GLRA3: variants seen among roughly 807,000 people sequenced by gnomAD.
The protein encoded by GLRA3 is glycine receptor subunit alpha-3.
A neutral mutation model predicts 60.4 loss-of-function variants in GLRA3; 44 were observed. The ratio of observed to expected loss-of-function variants is 0.73; its 90% CI spans 0.57 to 0.94. The LOEUF is 0.94. Among genes scored for constraint, GLRA3 ranks in the 40% least tolerant of loss-of-function variants. The pLI, the probability that GLRA3 is intolerant of heterozygous loss-of-function variation, is 0.00. For synonymous variants in GLRA3, 223 were observed against 192.9 expected, an observed-to-expected ratio of 1.16 and a Z score of -1.29; for missense variants, 508 against 564.6, an observed-to-expected ratio of 0.90 and a Z score of 1.02.
intron 3 of GLRA3, among the ~76,000 whole-genome samples, chr4:174,753,140 T>C (rs1399135812): frequency 1.3e-5 from 2 of 152,204 alleles, no homozygotes. Flanking sequence ...CAAGGAAGGC[T>C]TAACTCTTGC....
At chr4:174,725,119 C>G (rs1214312476) in intron 4 of GLRA3, among the ~76,000 whole-genome samples, 1 of 152,218 alleles carries the variant, frequency 6.6e-6, no homozygotes, top group Non-Finnish European at 1.5e-5. Context: ...CCCCCTCTAT[C>G]TGACACTCTG....
In GLRA3 at chr4:174,715,493, TC is replaced by T; in HGVS notation, c.568del (p.Glu190LysfsTer7). Reference protein sequence around the residue: ...MDVQTCIMQLESFGYTMNDLI... With the variant: ...MDVQTCIMQLXSFGYTMNDLI... Reference sequence around the variant, plus strand: ...AGTAAGTGGTTCATACTTACAGCTTTCCAGTTGCATTATACATGTTTGTACA... The same window carrying T: ...AGTAAGTGGTTCATACTTACAGCTTTCAGTTGCATTATACATGTTTGTACA... On this transcript the variant is annotated frameshift_variant, in exon 5 of 10. Coordinates refer to ENST00000274093, the MANE Select transcript of GLRA3 (RefSeq NM_006529.4). LOFTEE classifies it high-confidence loss of function. The T allele has an allele frequency of 6.7e-7, 1 of 1,485,820 alleles. No homozygotes were observed. Among genetic ancestry groups the T allele is most frequent in the Non-Finnish European group, 9.4e-7 (1 of 1,067,240 alleles). 92.0% of individuals were successfully genotyped at this position (1,485,820 alleles called of 1,614,324 possible).
At position 174,767,123 on chromosome 4, in the gene GLRA3, T is replaced by TACAC. The variant is rs10551381; in HGVS notation, c.200-97_200-94dup. ...GCATTCCATTATTATTATTCCATTTTACACACACACACACACACACACACA... is the reference window on the plus strand; with the variant it reads ...GCATTCCATTATTATTATTCCATTTTACACACACACACACACACACACACACACA... On this transcript the variant is annotated intron_variant, in intron 2 of 9. Coordinates refer to ENST00000274093, the MANE Select transcript of GLRA3 (RefSeq NM_006529.4). 1.4e-3 allele frequency: 660 copies of TACAC among 471,834 alleles called. 2 individuals are homozygous for TACAC. The highest frequency in any genetic ancestry group is 6.9e-3 in the African/African-American group (348 of 50,708). 29.2% of individuals were successfully genotyped at this position (471,834 alleles called of 1,614,324 possible).
chr4:174,750,403 T>C (rs2111193686), intron 3 of GLRA3, among the ~76,000 whole-genome samples: 1 of 152,254 alleles, frequency 6.6e-6, no homozygotes, highest in African/African-American at 2.4e-5. Context: ...GTCTGTCATA[T>C]ATGAGACATC....
Position 174,799,189 on chromosome 4 carries a change from T to C in GLRA3, c.72-10246A>G, listed in dbSNP as rs191711288. Among the ~76,000 whole-genome samples, 238 of 152,328 alleles carry C rather than the reference T, an allele frequency of 1.6e-3. 3 individuals carry two copies. The highest frequency in any genetic ancestry group is 5.5e-3 in the African/African-American group (230 of 41,576). ...CATTTAATTACCATAATAATGTTATTAGTCATAATTACCTATGGATTACAG... is the reference window on the plus strand; with the variant it reads ...CATTTAATTACCATAATAATGTTATCAGTCATAATTACCTATGGATTACAG... On this transcript the variant is annotated intron_variant, in intron 1 of 9. Transcript: ENST00000274093.
chr4:174,741,828 C>T (rs951575315), intron 3 of GLRA3, among the ~76,000 whole-genome samples: 1 of 152,118 alleles, frequency 6.6e-6, no homozygotes. Context: ...ATTATTCCAA[C>T]ACTATTTGTT....
At chr4:174,764,160 G>GAA (rs1738047509) in intron 3 of GLRA3, among the ~76,000 whole-genome samples, 1 of 151,990 alleles carries the variant, frequency 6.6e-6, no homozygotes, top group African/African-American at 2.4e-5. Flanking sequence ...AGAAAAATAT[G>GAA]AAAAATACAT....
At chr4:174,797,749 T>C (rs557348485) in intron 1 of GLRA3, among the ~76,000 whole-genome samples, 11 of 152,060 alleles carry the variant, frequency 7.2e-5, no homozygotes, top group African/African-American at 2.2e-4. Context: ...CTGAGCAACA[T>C]AGCAAGACCT....
chr4:174,775,551 A>G (rs897784034), intron 2 of GLRA3, among the ~76,000 whole-genome samples: 4 of 152,210 alleles, frequency 2.6e-5, no homozygotes, highest in Non-Finnish European at 4.4e-5. Context: ...AATACTTGGG[A>G]GGAAGACAGA....
chr4:174,724,243 G>C (rs1364523756), intron 4 of GLRA3, among the ~76,000 whole-genome samples: 7 of 151,570 alleles, frequency 4.6e-5, no homozygotes, highest in African/African-American at 9.7e-5. Context: ...CTTTTTTGTT[G>C]CTATTTCAGT....
intron 9 of GLRA3, 110 bp downstream of exon 9, chr4:174,656,633 A>G (rs1733217914): frequency 1.7e-6 from 1 of 603,270 alleles, no homozygotes; most frequent in Admixed American, 2.4e-5. Flanking sequence ...CTTTCAATAC[A>G]AAAGGGGCTG....
intron 1 of GLRA3, among the ~76,000 whole-genome samples, chr4:174,820,870 T>G (rs1020679692): frequency 6.6e-6 from 1 of 152,056 alleles, no homozygotes; most frequent in Non-Finnish European, 1.5e-5. Flanking sequence ...ATTAGTAGTA[T>G]TTTACTTGTT....
At chr4:174,792,619 G>A (rs905723438) in intron 1 of GLRA3, among the ~76,000 whole-genome samples, 3 of 152,192 alleles carry the variant, frequency 2.0e-5, no homozygotes, top group Admixed American at 6.5e-5. Context: ...AATGCTTTCC[G>A]TTTAACATTT....
intron 9 of GLRA3, among the ~76,000 whole-genome samples, chr4:174,644,712 T>C (rs938355632): frequency 1.3e-5 from 2 of 152,178 alleles, no homozygotes; most frequent in African/African-American, 2.4e-5. Context: ...TTGTGAATTA[T>C]ATCTGGCAGA....
chr4:174,648,632 A>G (rs4695943), intron 9 of GLRA3, among the ~76,000 whole-genome samples: 81,331 of 151,932 alleles, frequency 0.54, 23,185 homozygotes, highest in African/African-American at 0.74. Flanking sequence ...CATATCCCCC[A>G]ACCAAAACTT....
intron 4 of GLRA3, among the ~76,000 whole-genome samples, chr4:174,719,917 CT>C (rs1736071839): frequency 6.6e-6 from 1 of 152,102 alleles, no homozygotes; most frequent in Non-Finnish European, 1.5e-5. Context: ...AGTTTGCTTT[CT>C]TATTTAAAAA....
intron 7 of GLRA3, among the ~76,000 whole-genome samples, chr4:174,674,807 G>C (rs967821884): frequency 2.0e-5 from 3 of 152,148 alleles, no homozygotes; most frequent in Admixed American, 1.3e-4. Flanking sequence ...TCTTTTGTGA[G>C]ATTGAGAACA....
At chr4:174,681,228 C>T (rs938268741) in intron 6 of GLRA3, among the ~76,000 whole-genome samples, 1 of 152,096 alleles carries the variant, frequency 6.6e-6, no homozygotes, top group African/African-American at 2.4e-5. Context: ...AGGAAGTATG[C>T]AAACTTACTT....
In GLRA3 at chr4:174,710,852, G is replaced by C. The variant is rs562876583; in HGVS notation, c.574+4636C>G. Among the ~76,000 whole-genome samples, 98 of 151,880 alleles carry C rather than the reference G, an allele frequency of 6.5e-4. 2 individuals carry two copies. In the South Asian group the frequency reaches 0.019, roughly 30 times the overall value. The stretch of plus-strand genomic sequence containing the variant: ...GTTCTGAGATTTTTCAAAGCACCAG[G>C]TTTAGGGGTTTTTGTGATTCTTTGG... On this transcript the variant is annotated intron_variant, in intron 5 of 9. Transcript: ENST00000274093.
Sources: gnomAD v4.1 joint callset for allele counts (sites outside exome capture counted in the v4.1 genomes callset) on GRCh38, gnomAD v4.1.1 for gene constraint, MANE v1.5 for transcripts, NCBI Gene and HGNC (gene_info 2026-07-23, HGNC 2026-07-21) for gene names.